The following SIDT1 variants were observed in gnomAD, a reference collection of about 807,000 sequenced individuals.
The protein encoded by SIDT1 is SID1 transmembrane family, member 1.
In SIDT1, 101 loss-of-function variants were observed where a neutral mutation model predicts 107.5. The ratio of observed to expected loss-of-function variants is 0.94; its 90% confidence interval spans 0.80 to 1.11. The LOEUF (loss-of-function observed/expected upper bound fraction) is 1.11, where lower values mean the gene tolerates loss of function less well. Among genes scored for constraint, SIDT1 ranks in the 50% least tolerant of loss-of-function variants. SIDT1 has a pLI of 0.00. For missense variants in SIDT1, 1,076 were observed against 1,058.2 expected (o/e 1.02, Z -0.23); for synonymous variants, 395 against 398.2 (o/e 0.99, Z 0.10).
intron 17 of SIDT1, 61 bp downstream of exon 17, chr3:113,608,597 C>T: frequency 8.4e-7 from 1 of 1,187,174 alleles, no homozygotes; most frequent in South Asian, 1.2e-5. Flanking sequence ...TGGAACCCTC[C>T]CCAAAAATGC....
At chr3:113,635,353 T>C in the SIDT1 span, among the ~76,000 whole-genome samples, 26 of 152,044 alleles carry the variant, frequency 1.7e-4, no homozygotes, top group Non-Finnish European at 3.5e-4. Context: ...AATTAGAGGT[T>C]AAAAAACATT....
Position 113,627,806 on chromosome 3 carries a change from A to T in SIDT1, c.*98A>T. 1 of 1,120,364 alleles carries T rather than the reference A, an allele frequency of 8.9e-7. No homozygotes were observed. The highest frequency in any genetic ancestry group is 1.3e-5 in the South Asian group (1 of 77,382). The allele number at this position is 1,120,364 out of a possible 1,614,324, so 69.4% of individuals were successfully genotyped here. On this transcript the variant is annotated 3_prime_UTR_variant, in exon 25 of 25. Coordinates refer to ENST00000264852, the MANE Select transcript of SIDT1 (RefSeq NM_017699.3). ...CAAAGTAACCACTGCCAGATGCTCC[A>T]CTCACCCTCTGTAGAGCCAACTCTG... is the stretch of plus-strand genomic sequence containing the variant.
At chr3:113,547,534 AAAG>A (rs1254072705) in intron 1 of SIDT1, among the ~76,000 whole-genome samples, 1 of 152,128 alleles carries the variant, frequency 6.6e-6, no homozygotes, top group Non-Finnish European at 1.5e-5. Flanking sequence ...TTGCCATTAG[AAAG>A]AAGGACATGG....
chr3:113,601,589 C>T lies in SIDT1; in HGVS notation c.1047C>T (p.Gly349=). The change falls in exon 11 of 25, where the codon GGC becomes GGT. Residue 349 remains glycine (G), a splice_region_variant and synonymous_variant. Transcript: ENST00000264852. ...SIDGSFGSND[G]SGNMVASHPI... is the part of the protein sequence containing the mutation. ...TTGCCTCTTCACTTTTTTTAACAGG[C>T]TCTGGAAATATGGTGGCATCTCATC... 6.2e-7 allele frequency: 1 copy of T among 1,613,106 alleles called. No individual in the cohort carries two copies. Among genetic ancestry groups the T allele is most frequent in the Non-Finnish European group, 8.5e-7 (1 of 1,179,240 alleles).
chr3:113,607,217 G>T (rs148897278), intron 15 of SIDT1, 103 bp downstream of exon 15: 3 of 746,344 alleles, frequency 4.0e-6, no homozygotes, highest in African/African-American at 3.5e-5. Flanking sequence ...TGTGGAAAAC[G>T]ACCCTATTCA....
chr3:113,547,153 G>T (rs1264554569), intron 1 of SIDT1, among the ~76,000 whole-genome samples: 1 of 152,002 alleles, frequency 6.6e-6, no homozygotes, highest in Non-Finnish European at 1.5e-5. Flanking sequence ...TTGAGGCAAT[G>T]GATATGCTAA....
At chr3:113,579,373 T>C (rs191301775) in intron 4 of SIDT1, among the ~76,000 whole-genome samples, 1 of 152,316 alleles carries the variant, frequency 6.6e-6, no homozygotes, top group East Asian at 1.9e-4. Flanking sequence ...TTGCCAACAG[T>C]AATCATAGTA....
At chr3:113,629,875 C>T (rs1255230005), downstream of SIDT1, among the ~76,000 whole-genome samples, 6 of 152,154 alleles carry the variant, frequency 3.9e-5, no homozygotes, top group Non-Finnish European at 5.9e-5. Flanking sequence ...GCAACAGTAC[C>T]GAAAATCCAG....
intron 21 of SIDT1, chr3:113,619,945 C>A: frequency 6.4e-6 from 3 of 471,624 alleles, no homozygotes; most frequent in South Asian, 2.5e-5. Flanking sequence ...TTCAACAAGA[C>A]AAACATCAAA....
chr3:113,623,835 T>C lies in SIDT1; in HGVS notation c.2307+102T>C. ...TAATGTGTTTTCACAGTGTCTAAAA[T>C]GAAAGTTTTCTCTACCAGGGATGGT... On this transcript the variant is annotated intron_variant, in intron 23 of 24. Coordinates refer to ENST00000264852, the MANE Select transcript of SIDT1 (RefSeq NM_017699.3). 3 of 762,568 alleles carry C rather than the reference T, an allele frequency of 3.9e-6. No individual in the cohort carries two copies. The South Asian group carries it at 4.8e-5, about 12-fold the overall frequency. 47.2% of individuals were successfully genotyped at this position (762,568 alleles called of 1,614,324 possible).
chr3:113,583,634 T>C, intron 7 of SIDT1, 138 bp downstream of exon 7: 1 of 524,872 alleles, frequency 1.9e-6, no homozygotes, highest in Non-Finnish European at 3.4e-6. Context: ...ATCTGAGAGA[T>C]ACTTGAGAAA....
At position 113,546,301 on chromosome 3, in the gene SIDT1, A is replaced by G. The variant is rs554023052; in HGVS notation, c.222+13058A>G. On this transcript the variant is annotated intron_variant, in intron 1 of 24. Coordinates refer to ENST00000264852, the MANE Select transcript of SIDT1 (RefSeq NM_017699.3). ...GACAAGTAGAATAAGCTTCTTGCCAAAAAGAACATTTCTAACTCTTTGTCT... is the reference window on the plus strand; with the variant it reads ...GACAAGTAGAATAAGCTTCTTGCCAGAAAGAACATTTCTAACTCTTTGTCT... 2.6e-5 allele frequency among the ~76,000 whole-genome samples: 4 copies of G among 152,346 alleles called. 1 individual carries two copies. The South Asian group carries it at 8.3e-4, about 32-fold the overall frequency.
At chr3:113,535,517 C>T (rs542831724) in intron 1 of SIDT1, among the ~76,000 whole-genome samples, 14 of 152,176 alleles carry the variant, frequency 9.2e-5, no homozygotes, top group Middle Eastern at 3.4e-3. Context: ...TTCTATTATG[C>T]CCTATTTTGT....
At chr3:113,599,170 G>A (rs1436396724) in intron 10 of SIDT1, among the ~76,000 whole-genome samples, 1 of 152,136 alleles carries the variant, frequency 6.6e-6, no homozygotes, top group East Asian at 1.9e-4. Flanking sequence ...CTTGAAAAGA[G>A]AAAAATGTGA....
intron 18 of SIDT1, among the ~76,000 whole-genome samples, 153 bp from the exon 19 acceptor site, chr3:113,611,933 G>T (rs1386615700): frequency 6.7e-6 from 1 of 149,904 alleles, no homozygotes; most frequent in Non-Finnish European, 1.5e-5. Context: ...CCTGTCCCTT[G>T]GGAGTAAGAT....
intron 24 of SIDT1, among the ~76,000 whole-genome samples, chr3:113,626,454 C>A (rs1050528995): frequency 6.6e-6 from 1 of 152,148 alleles, no homozygotes; most frequent in African/African-American, 2.4e-5. Context: ...AAATTACTTT[C>A]CCTAAGTTGC....
At chr3:113,593,167 C>T in intron 10 of SIDT1, 119 bp downstream of exon 10, 1 of 868,384 alleles carries the variant, frequency 1.2e-6, no homozygotes, top group Non-Finnish European at 2.0e-6. Context: ...TGATTCCTAT[C>T]CCGCAGAGTA....
In SIDT1 at chr3:113,629,575, A is replaced by G. The variant is rs1947060329; in HGVS notation, c.*1867A>G. On this transcript the variant is annotated 3_prime_UTR_variant, in exon 25 of 25. Coordinates refer to ENST00000264852, the MANE Select transcript of SIDT1 (RefSeq NM_017699.3). ...AAAAATAAAAATTTGAACCTGTTTC[A>G]CTATGGCTAGTTTGACCTAATTTCT... The G allele has an allele frequency of 6.6e-6, 1 of 152,254 alleles. No individual in the cohort carries two copies. The highest frequency in any genetic ancestry group is 2.1e-4 in the South Asian group (1 of 4,836). The allele number at this position is 152,254 out of a possible 1,614,324, so 9.4% of individuals were successfully genotyped here. A position where few individuals can be genotyped will look rare whatever the true frequency, so the allele number is the denominator to read the frequency against.
intron 14 of SIDT1, among the ~76,000 whole-genome samples, chr3:113,605,847 T>C (rs1945288614): frequency 6.6e-6 from 1 of 151,490 alleles, no homozygotes; most frequent in South Asian, 2.1e-4. Flanking sequence ...CTACCAAAAA[T>C]ACAAAAAAAT....
Sources: allele counts gnomAD v4.1 joint callset (sites outside exome capture counted in the v4.1 genomes callset), GRCh38; gene constraint gnomAD v4.1.1; transcripts MANE v1.5; gene names NCBI Gene and HGNC (gene_info 2026-07-23, HGNC 2026-07-21).